Variants in ROS1 observed in about 807,000 individuals in gnomAD.
The protein encoded by ROS1 is ROS proto-oncogene 1, receptor tyrosine kinase, also known as proto-oncogene tyrosine-protein kinase ROS.
A neutral mutation model predicts 273.5 loss-of-function variants in ROS1; 263 were observed. The ratio of observed to expected loss-of-function variants is 0.96; its 90% CI spans 0.87 to 1.06. The LOEUF (loss-of-function observed/expected upper bound fraction) is 1.06, where lower values mean the gene tolerates loss of function less well. ROS1 is among the 50% of genes least tolerant of loss of function. The pLI, the probability that ROS1 is intolerant of heterozygous loss-of-function variation, is 0.00. For synonymous variants in ROS1, 1,008 were observed against 954.1 expected, an observed-to-expected ratio of 1.06 and a Z score of -1.04; for missense variants, 2,833 against 2,751.1, an observed-to-expected ratio of 1.03 and a Z score of -0.67.
chr6:117,342,871 A>G (rs985303742), intron 28 of ROS1, among the ~76,000 whole-genome samples: 1 of 152,192 alleles, frequency 6.6e-6, no homozygotes, highest in Non-Finnish European at 1.5e-5. Flanking sequence ...AACATGTGAC[A>G]CATATGTGAA....
chr6:117,386,545 C>T (rs1370458716), intron 15 of ROS1, among the ~76,000 whole-genome samples: 1 of 152,200 alleles, frequency 6.6e-6, no homozygotes, highest in Non-Finnish European at 1.5e-5. Context: ...TGTCTTATAG[C>T]AAATGCACAG....
At chr6:117,327,248 G>A (rs1377767744) in intron 33 of ROS1, among the ~76,000 whole-genome samples, 3 of 152,162 alleles carry the variant, frequency 2.0e-5, no homozygotes, top group Non-Finnish European at 4.4e-5. Context: ...GCAGGGAAAG[G>A]GTAAGAACAT....
Position 117,307,918 on chromosome 6 carries a change from G to A in ROS1, c.6551+876C>T, listed in dbSNP as rs141996703. ...CAGTTTAGCACTTTATTACATGTTG[G>A]CTTGGCATCCAACTGCTCTCTGTGG... On this transcript the variant is annotated intron_variant, in intron 42 of 43. Transcript: ENST00000368507. 2.8e-3 allele frequency among the ~76,000 whole-genome samples: 433 copies of A among 152,064 alleles called. 3 individuals carry two copies. The highest frequency in any genetic ancestry group is 0.02 in the Middle Eastern group (6 of 294).
intron 6 of ROS1, among the ~76,000 whole-genome samples, chr6:117,403,651 C>A (rs1774138345): frequency 6.6e-6 from 1 of 151,992 alleles, no homozygotes; most frequent in Admixed American, 6.6e-5. Flanking sequence ...CCATGAGAAT[C>A]TTTCTTCTGC....
At position 117,393,404 on chromosome 6, in the gene ROS1, T is replaced by C. The variant is rs563822280; in HGVS notation, c.1192-83A>G. 9.4e-5 allele frequency: 86 copies of C among 917,138 alleles called. No homozygotes were observed. In the African/African-American group the frequency reaches 1.4e-3, roughly 15 times the overall value. 56.8% of individuals were successfully genotyped at this position (917,138 alleles called of 1,614,324 possible). ...CAGCCAACAAGTATCCCTGAGTATC[T>C]GTTCTGTTGGAATTGTACTAGGCAC... On this transcript the variant is annotated intron_variant, in intron 11 of 43. Transcript: ENST00000368507.
intron 43 of ROS1, among the ~76,000 whole-genome samples, chr6:117,289,438 C>T (rs1773667414): frequency 6.6e-6 from 1 of 152,064 alleles, no homozygotes. Context: ...GAGGAAAATA[C>T]CATAATTTCA....
chr6:117,297,166 T>C (rs1241080875), intron 43 of ROS1, among the ~76,000 whole-genome samples: 2 of 152,094 alleles, frequency 1.3e-5, no homozygotes, highest in Admixed American at 6.5e-5. Flanking sequence ...ATTGGATATA[T>C]GCAGAAGAAT....
intron 12 of ROS1, among the ~76,000 whole-genome samples, 162 bp from the exon 13 acceptor site, chr6:117,390,008 T>G (rs1257136530): frequency 6.6e-6 from 1 of 152,240 alleles, no homozygotes; most frequent in Non-Finnish European, 1.5e-5. Flanking sequence ...TCCTAAGATA[T>G]ACTCTATTCG....
intron 29 of ROS1, among the ~76,000 whole-genome samples, chr6:117,342,150 G>A (rs1369803718): frequency 6.6e-6 from 1 of 151,868 alleles, no homozygotes; most frequent in Non-Finnish European, 1.5e-5. Flanking sequence ...TGTGTTTCTT[G>A]GTCAAACAAT....
At chr6:117,380,075 G>A (rs182146002) in intron 17 of ROS1, among the ~76,000 whole-genome samples, 2 of 152,122 alleles carry the variant, frequency 1.3e-5, no homozygotes, top group Non-Finnish European at 2.9e-5. Context: ...TGCTTTCTTT[G>A]GCTTTACAAA....
chr6:117,309,109 C>T (rs1193912235), intron 41 of ROS1, among the ~76,000 whole-genome samples, 181 bp from the exon 42 acceptor site: 1 of 152,154 alleles, frequency 6.6e-6, no homozygotes, highest in Non-Finnish European at 1.5e-5. Flanking sequence ...GAACAAGACA[C>T]TGCGTATGAG....
chr6:117,319,313 G>C (rs1314137188), intron 37 of ROS1, among the ~76,000 whole-genome samples: 1 of 152,106 alleles, frequency 6.6e-6, no homozygotes, highest in Non-Finnish European at 1.5e-5. Flanking sequence ...CCTATGATCT[G>C]AAAATGGCTT....
rs1360638449 is a variant in ROS1, at chr6:117,393,321, C to A, written c.1192G>T (p.Val398Leu). 1 of 1,588,702 alleles carries A rather than the reference C, an allele frequency of 6.3e-7. No individual in the cohort carries two copies. Among genetic ancestry groups the A allele is most frequent in the Non-Finnish European group, 8.6e-7 (1 of 1,158,790 alleles). ...CAGTTCTCTAAATCACAGACACATA[C>A]CTAAAAAAATAAAAAATATACCGGT... ...QRMYFIMDEL[V>L]CVCDLENCSN... The change falls in exon 12 of 44, where the codon GTA becomes TTA. Residue 398 changes from valine to leucine, a missense_variant and splice_region_variant. By Grantham distance (32) the Val-to-Leu change is conservative. Transcript: ENST00000368507.
intron 16 of ROS1, 88 bp from the exon 17 acceptor site, chr6:117,383,596 T>G: frequency 9.8e-7 from 1 of 1,016,860 alleles, no homozygotes; most frequent in Non-Finnish European, 1.5e-6. Context: ...ATAAATTGCT[T>G]GATTAATCAT....
chr6:117,316,363 A>G (rs1381401851), intron 39 of ROS1, among the ~76,000 whole-genome samples: 1 of 152,058 alleles, frequency 6.6e-6, no homozygotes. Context: ...ATGCTTTGTC[A>G]CACATTTTAA....
At chr6:117,298,591 G>A (rs1410690007) in intron 43 of ROS1, among the ~76,000 whole-genome samples, 1 of 152,174 alleles carries the variant, frequency 6.6e-6, no homozygotes, top group Non-Finnish European at 1.5e-5. Flanking sequence ...AAAATGGCTT[G>A]AGCAAAACAT....
At chr6:117,291,976 T>C (rs1773865988) in intron 43 of ROS1, among the ~76,000 whole-genome samples, 1 of 151,758 alleles carries the variant, frequency 6.6e-6, no homozygotes, top group Admixed American at 6.6e-5. Flanking sequence ...TCTTTTCATT[T>C]CTTTTTTTTT....
rs781629779 is a variant in ROS1 at position 117,393,255 on chromosome 6, G to A, written c.1258C>T (p.Pro420Ser). 5.0e-6 allele frequency: 8 copies of A among 1,611,044 alleles called. No homozygotes were observed. The highest frequency in any genetic ancestry group is 6.8e-6 in the Non-Finnish European group (8 of 1,177,446). Residue 420 changes from proline (P) to serine (S), a missense_variant, in exon 12 of 44, where the codon CCT (proline) becomes TCT (serine). Transcript: ENST00000368507. ...TATGAATCAGCCACAATTTTTTGAGGTGCACTAATAGAGGGTGGAGTAATT... is the reference window on the plus strand; with the variant it reads ...TATGAATCAGCCACAATTTTTTGAGATGCACTAATAGAGGGTGGAGTAATT... ...EEITPPSISA[P>S]QKIVADSYNG...
chr6:117,365,884 A>G (rs927093056), intron 19 of ROS1, 143 bp from the exon 20 acceptor site: 21 of 920,852 alleles, frequency 2.3e-5, no homozygotes, highest in Non-Finnish European at 3.0e-5. Context: ...CCTGAAAAAA[A>G]TCATCTTTTT....
Sources: allele counts gnomAD v4.1 joint callset (sites outside exome capture counted in the v4.1 genomes callset), GRCh38; gene constraint gnomAD v4.1.1; transcripts MANE v1.5; gene names NCBI Gene and HGNC (gene_info 2026-07-23, HGNC 2026-07-21).